Variants in COBL observed in about 807,000 individuals in gnomAD.
The protein encoded by COBL is cordon-bleu WH2 repeat protein.
COBL carries 51 observed loss-of-function variants against 98.8 expected under a neutral mutation model. The observed-to-expected ratio is 0.52, with a 90% CI of 0.41 to 0.65. COBL has a LOEUF of 0.65. Ranked by LOEUF, COBL falls within the 30% of genes least tolerant of loss-of-function variation. COBL has a pLI of 0.00. For synonymous variants in COBL, 634 were observed against 651.7 expected, an observed-to-expected ratio of 0.97 and a Z score of 0.41; for missense variants, 1,617 against 1,617.5, an observed-to-expected ratio of 1.00 and a Z score of 0.01.
At position 51,257,979 on chromosome 7, in the gene COBL, G is replaced by A. The variant is rs150666777; in HGVS notation, c.42-38035C>T. ...CTAAGCTTTAAGACACAGTGTATTC[G>A]TTGTAACAAGGAAAATGTATTATTT... On this transcript the variant is annotated intron_variant, in intron 1 of 12. Coordinates refer to ENST00000265136, the MANE Select transcript of COBL (RefSeq NM_015198.5). Among the ~76,000 whole-genome samples, 125 of 152,218 alleles carry A rather than the reference G, an allele frequency of 8.2e-4. 1 individual carries two copies. The South Asian group carries it at 8.3e-3, about 10-fold the overall frequency.
intron 1 of COBL, among the ~76,000 whole-genome samples, chr7:51,301,681 C>T (rs1584446866): frequency 1.3e-5 from 2 of 152,196 alleles, no homozygotes; most frequent in African/African-American, 4.8e-5. Context: ...AAAATCCAAA[C>T]CCCCACATTG....
At chr7:51,039,326 T>C (rs1024717634) in intron 8 of COBL, among the ~76,000 whole-genome samples, 2 of 152,198 alleles carry the variant, frequency 1.3e-5, no homozygotes, top group African/African-American at 4.8e-5. Flanking sequence ...TGAACAGTGG[T>C]GGGTTCTGCG....
At chr7:51,158,604 C>CT (rs1786443098) in intron 5 of COBL, among the ~76,000 whole-genome samples, 1 of 152,164 alleles carries the variant, frequency 6.6e-6, no homozygotes, top group Non-Finnish European at 1.5e-5. Context: ...GGACGCATCC[C>CT]TAGGGGCCCA....
intron 8 of COBL, among the ~76,000 whole-genome samples, chr7:51,040,106 T>C (rs1789025890): frequency 6.6e-6 from 1 of 151,960 alleles, no homozygotes; most frequent in African/African-American, 2.4e-5. Context: ...TGAAATTTAT[T>C]GAAAATCATG....
chr7:51,228,090 C>T (rs1794377419), intron 1 of COBL, among the ~76,000 whole-genome samples: 1 of 152,118 alleles, frequency 6.6e-6, no homozygotes, highest in South Asian at 2.1e-4. Flanking sequence ...CAGGACACTC[C>T]ACAGCTGTAC....
At chr7:51,295,851 A>C (rs1168110629) in intron 1 of COBL, among the ~76,000 whole-genome samples, 2 of 152,216 alleles carry the variant, frequency 1.3e-5, no homozygotes, top group Non-Finnish European at 2.9e-5. Context: ...CTAAGTGATC[A>C]ATGAAAATTT....
Position 51,028,100 on chromosome 7 carries a change from T to G in COBL, c.2996A>C (p.Gln999Pro). The G allele has an allele frequency of 6.2e-7, 1 of 1,614,172 alleles. No individual in the cohort carries two copies. Among genetic ancestry groups the G allele is most frequent in the Non-Finnish European group, 8.5e-7 (1 of 1,180,004 alleles). ...GCTGGCCTCCTGGCTACTTGTGCTT[T>G]GCTTTCCACTGAAACCACAGCTCTG... ...VGQSCGFSGK[Q>P]STSSQEASSA... is the part of the protein sequence containing the mutation. Residue 999 changes from glutamine (Q) to proline (P), a missense_variant, in exon 10 of 13, where the codon CAA becomes CCA. Gln to Pro is a moderately conservative substitution (Grantham distance 76). Transcript: ENST00000265136.
rs200168451 is a variant in COBL, at chr7:51,029,138, C to T, written c.1958G>A (p.Gly653Asp). Residue 653 changes from glycine to aspartate, a missense_variant, in exon 10 of 13, where the codon GGC (glycine) becomes GAC (aspartate). Physicochemically the swap from Gly to Asp is moderately conservative, Grantham distance 94. Around this residue, in one of 3 missense-constraint regions of COBL, gnomAD observed 1,304 missense variants for 1,282.0 expected, o/e 1.02. Coordinates refer to ENST00000265136, the MANE Select transcript of COBL (RefSeq NM_015198.5). ...TTGAGTCCTCTCCCCGTCAGCACAG[C>T]CATACACTTTGTCTTTCACTTTTGC... Reference protein sequence around the residue: ...LNAKVKDKVYGCADGERTQAT... With the variant: ...LNAKVKDKVYDCADGERTQAT... The T allele has an allele frequency of 4.9e-5, 79 of 1,614,054 alleles. No homozygotes were observed. The highest frequency in any genetic ancestry group is 1.9e-5 in the Non-Finnish European group (22 of 1,180,036).
intron 7 of COBL, chr7:51,083,103 G>A: frequency 1.3e-6 from 2 of 1,491,116 alleles, no homozygotes; most frequent in Non-Finnish European, 1.8e-6. Context: ...CCTTCCCCGG[G>A]AAAGCTGAGA....
intron 7 of COBL, among the ~76,000 whole-genome samples, chr7:51,079,999 T>A (rs560100660): frequency 6.6e-6 from 1 of 152,274 alleles, no homozygotes; most frequent in African/African-American, 2.4e-5. Context: ...AGCATCAAAA[T>A]TGGAGTGAGG....
intron 1 of COBL, among the ~76,000 whole-genome samples, chr7:51,293,919 G>A (rs560992671): frequency 6.6e-6 from 1 of 152,150 alleles, no homozygotes; most frequent in Non-Finnish European, 1.5e-5. Context: ...TAAGGGTGCT[G>A]GATCATGCAC....
intron 5 of COBL, among the ~76,000 whole-genome samples, chr7:51,177,278 T>C (rs1014749913): frequency 6.6e-6 from 1 of 152,290 alleles, no homozygotes; most frequent in Non-Finnish European, 1.5e-5. Context: ...TCTCCAGGCA[T>C]TGCTTTCATA....
chr7:51,291,638 G>A (rs992986411), intron 1 of COBL, among the ~76,000 whole-genome samples: 2 of 151,912 alleles, frequency 1.3e-5, no homozygotes, highest in African/African-American at 2.4e-5. Context: ...GTGGATGCCT[G>A]TAATCCCAGC....
At chr7:51,032,015 T>C (rs1299395471) in intron 8 of COBL, 1 of 152,254 alleles carries the variant, frequency 6.6e-6, no homozygotes, top group African/African-American at 2.4e-5. Flanking sequence ...CAGAGCTCTT[T>C]TGCATAAATT....
At chr7:51,130,048 C>T (rs1367391938) in intron 6 of COBL, among the ~76,000 whole-genome samples, 2 of 152,126 alleles carry the variant, frequency 1.3e-5, no homozygotes, top group East Asian at 1.9e-4. Context: ...ATTCTGGATA[C>T]ACTTCAAAGG....
intron 6 of COBL, among the ~76,000 whole-genome samples, chr7:51,121,387 T>G (rs1797724138): frequency 6.6e-6 from 1 of 152,192 alleles, no homozygotes; most frequent in South Asian, 2.1e-4. Context: ...TGTTGTTGAG[T>G]TGAAGGAGTT....
At chr7:51,055,184 C>T (rs1309705426) in intron 7 of COBL, among the ~76,000 whole-genome samples, 6 of 152,222 alleles carry the variant, frequency 3.9e-5, no homozygotes, top group African/African-American at 1.4e-4. Context: ...CAGGCCCTCC[C>T]TCCTCCATGA....
chr7:51,201,545 G>T (rs974720199), intron 2 of COBL, among the ~76,000 whole-genome samples: 1 of 152,050 alleles, frequency 6.6e-6, no homozygotes, highest in Non-Finnish European at 1.5e-5. Flanking sequence ...TCTCTATAAT[G>T]GATAGACCAT....
intron 1 of COBL, among the ~76,000 whole-genome samples, chr7:51,228,077 C>T (rs185954876): frequency 7.9e-5 from 12 of 152,286 alleles, no homozygotes; most frequent in African/African-American, 2.6e-4. Context: ...TGAAAGTCTG[C>T]CCCAGGACAC....
Sources: gnomAD v4.1 joint callset for allele counts (sites outside exome capture counted in the v4.1 genomes callset) on GRCh38, gnomAD v4.1.1 for gene constraint, gnomAD v4.1.1 regional missense constraint, MANE v1.5 for transcripts, NCBI Gene and HGNC (gene_info 2026-07-23, HGNC 2026-07-21) for gene names.